Variants in TENM3 observed in about 807,000 individuals in gnomAD.
The protein encoded by TENM3 is teneurin-3.
A neutral mutation model predicts 255.1 loss-of-function variants in TENM3; 63 were observed. That is an observed-to-expected ratio of 0.25 (90% confidence interval 0.20 to 0.30). TENM3 has a LOEUF of 0.30. Among genes scored for constraint, TENM3 ranks in the 10% least tolerant of loss-of-function variants. TENM3 has a pLI of 1.00. For synonymous variants in TENM3, 1,306 were observed against 1,322.3 expected (o/e 0.99, Z 0.27); for missense variants, 2,929 against 3,461.1 (o/e 0.85, Z 3.86).
chr4:182,762,999 C>A (rs35630924), intron 22 of TENM3, among the ~76,000 whole-genome samples: 1 of 151,982 alleles, frequency 6.6e-6, no homozygotes, highest in Non-Finnish European at 1.5e-5. Flanking sequence ...AAGAGAGACC[C>A]CCCACAACTT....
At chr4:181,799,399 G>A in the TENM3 span, among the ~76,000 whole-genome samples, 100 of 152,338 alleles carry the variant, frequency 6.6e-4, 2 homozygotes, top group South Asian at 0.011. Context: ...TGCAAAATAG[G>A]ATGGTGCTTC....
intron 3 of TENM3, among the ~76,000 whole-genome samples, chr4:182,429,442 G>T (rs1771466641): frequency 6.6e-6 from 1 of 152,010 alleles, no homozygotes; most frequent in Non-Finnish European, 1.5e-5. Flanking sequence ...ATGTGTTGTA[G>T]ATGTTTATAA....
At chr4:182,003,108 A>G in the TENM3 span, among the ~76,000 whole-genome samples, 6 of 152,134 alleles carry the variant, frequency 3.9e-5, no homozygotes, top group East Asian at 1.9e-4. Context: ...GATGCACAGC[A>G]TGCAGGTAAG....
At chr4:181,612,489 GATGT>G in the TENM3 span, among the ~76,000 whole-genome samples, 2 of 95,096 alleles carry the variant, frequency 2.1e-5, no homozygotes, top group African/African-American at 8.1e-5. Context: ...CTTTGGTTAA[GATGT>G]GTGTGTGTGT....
the TENM3 span, among the ~76,000 whole-genome samples, chr4:182,111,900 C>T: frequency 1.3e-5 from 2 of 152,170 alleles, no homozygotes; most frequent in Non-Finnish European, 1.5e-5. Flanking sequence ...GCCCAGGCCA[C>T]AAGTAACACA....
At chr4:182,719,252 CTTTTT>C (rs11348241) in intron 13 of TENM3, among the ~76,000 whole-genome samples, 4 of 80,822 alleles carry the variant, frequency 4.9e-5, no homozygotes, top group Non-Finnish European at 8.6e-5. Context: ...TTTTTTTTTT[CTTTTT>C]TTTTTTTTTT....
At chr4:182,150,122 G>T (rs1047499682) in intron 1 of TENM3, among the ~76,000 whole-genome samples, 2 of 151,834 alleles carry the variant, frequency 1.3e-5, no homozygotes, top group African/African-American at 4.8e-5. Context: ...CCTGGGATGG[G>T]ATCATATTAA....
At chr4:181,456,129 G>A in the TENM3 span, among the ~76,000 whole-genome samples, 22,873 of 135,140 alleles carry the variant, frequency 0.17, 2,147 homozygotes, top group East Asian at 0.31. Context: ...ATATATATAT[G>A]TGTGTGTGTG....
chr4:181,669,836 C>T, the TENM3 span, among the ~76,000 whole-genome samples: 7 of 152,230 alleles, frequency 4.6e-5, no homozygotes, highest in Non-Finnish European at 1.0e-4. Context: ...AATCCTTGTT[C>T]GATGGGACCT....
the TENM3 span, among the ~76,000 whole-genome samples, chr4:181,808,418 G>A: frequency 1.3e-5 from 2 of 152,106 alleles, no homozygotes; most frequent in Non-Finnish European, 2.9e-5. Flanking sequence ...TGATTGAGGA[G>A]CAGAGCAATA....
chr4:181,456,410 G>C, the TENM3 span, among the ~76,000 whole-genome samples: 1 of 151,892 alleles, frequency 6.6e-6, no homozygotes. Flanking sequence ...GCAGTTAAGA[G>C]TTTAAAACCA....
chr4:182,011,229 C>G, the TENM3 span, among the ~76,000 whole-genome samples: 3 of 152,188 alleles, frequency 2.0e-5, no homozygotes, highest in Non-Finnish European at 4.4e-5. Context: ...CATTATATTT[C>G]TACTTCAAAC....
chr4:182,409,552 G>A (rs944734038), intron 3 of TENM3, among the ~76,000 whole-genome samples: 2 of 152,150 alleles, frequency 1.3e-5, no homozygotes, highest in African/African-American at 4.8e-5. Context: ...TGTGTACATT[G>A]GTGCAGGCTC....
chr4:181,948,125 G>A, the TENM3 span, among the ~76,000 whole-genome samples: 14 of 152,200 alleles, frequency 9.2e-5, no homozygotes, highest in African/African-American at 2.9e-4. Context: ...ACTATAACCG[G>A]TACCACTGAT....
the TENM3 span, among the ~76,000 whole-genome samples, chr4:181,483,497 C>T: frequency 2.6e-4 from 40 of 151,866 alleles, no homozygotes; most frequent in South Asian, 6.9e-3. Context: ...AAAGTTTTAC[C>T]GAAATATACC....
chr4:181,859,715 T>C, the TENM3 span, among the ~76,000 whole-genome samples: 2 of 152,220 alleles, frequency 1.3e-5, no homozygotes, highest in African/African-American at 4.8e-5. Context: ...ATTTTAACTA[T>C]AATGCTTTTT....
Position 182,182,162 on chromosome 4 carries a change from G to A in TENM3, c.-76+37408G>A, listed in dbSNP as rs1310402081. ...AATGAGAAAGGATAAGAAAATTTCAGACGTGATTTTAACAAAGGGCGGGGT... is the reference window on the plus strand; with the variant it reads ...AATGAGAAAGGATAAGAAAATTTCAAACGTGATTTTAACAAAGGGCGGGGT... On this transcript the variant is annotated intron_variant, in intron 1 of 2. Transcript: ENST00000512480. Among the ~76,000 whole-genome samples the A allele has an allele frequency of 2.0e-5, 3 of 152,236 alleles. No homozygotes were observed. The East Asian group carries it at 5.8e-4, about 29-fold the overall frequency.
At chr4:182,512,657 G>GA (rs1737534672) in intron 3 of TENM3, among the ~76,000 whole-genome samples, 1 of 152,096 alleles carries the variant, frequency 6.6e-6, no homozygotes, top group African/African-American at 2.4e-5. Flanking sequence ...TTTATAAGAA[G>GA]AAAAAACACT....
At chr4:181,873,943 C>G in the TENM3 span, among the ~76,000 whole-genome samples, 48 of 152,230 alleles carry the variant, frequency 3.2e-4, 1 homozygote, top group South Asian at 9.1e-3. Context: ...CACCACCACG[C>G]CCAGCTAATT....
Sources: gnomAD v4.1 joint callset for allele counts (sites outside exome capture counted in the v4.1 genomes callset) on GRCh38, gnomAD v4.1.1 for gene constraint, MANE v1.5 for transcripts, NCBI Gene and HGNC (gene_info 2026-07-23, HGNC 2026-07-21) for gene names.